Variants in PRRC2B observed in about 807,000 individuals in gnomAD.
PRRC2B encodes protein PRRC2B.
A neutral mutation model predicts 242.3 loss-of-function variants in PRRC2B; 68 were observed. The observed-to-expected ratio is 0.28, with a 90% CI of 0.23 to 0.34. The LOEUF (loss-of-function observed/expected upper bound fraction) is 0.34, where lower values mean the gene tolerates loss of function less well. Among genes scored for constraint, PRRC2B ranks in the 10% least tolerant of loss-of-function variants. The probability of loss-of-function intolerance (pLI) is 1.00; values close to 1 mark genes in which losing one functional copy is unlikely to be tolerated. For missense variants in PRRC2B, 2,835 were observed against 2,954.8 expected, an observed-to-expected ratio of 0.96 and a Z score of 0.94; for synonymous variants, 1,228 against 1,173.6, an observed-to-expected ratio of 1.05 and a Z score of -0.95.
chr9:131,435,208 G>T (rs1838310159), intron 3 of PRRC2B, among the ~76,000 whole-genome samples: 1 of 151,704 alleles, frequency 6.6e-6, no homozygotes, highest in South Asian at 2.1e-4. Context: ...TGAGGCAGGA[G>T]AATTGCTTGA....
At chr9:131,379,445 C>T (rs1299410335) in intron 1 of PRRC2B, among the ~76,000 whole-genome samples, 1 of 152,106 alleles carries the variant, frequency 6.6e-6, no homozygotes, top group East Asian at 1.9e-4. Context: ...GTATCTTTGT[C>T]AACACTTGTT....
At chr9:131,445,247 G>A (rs1213770883) in intron 6 of PRRC2B, among the ~76,000 whole-genome samples, 1 of 151,706 alleles carries the variant, frequency 6.6e-6, no homozygotes, top group Non-Finnish European at 1.5e-5. Flanking sequence ...TGCAACCTCC[G>A]CCTCCCGGGT....
chr9:131,495,182 C>G (rs1359730506), intron 31 of PRRC2B, among the ~76,000 whole-genome samples: 1 of 152,108 alleles, frequency 6.6e-6, no homozygotes, highest in African/African-American at 2.4e-5. Context: ...TTCCCCACCC[C>G]ACTCCCCGTG....
At chr9:131,454,807 TGTA>T (rs1943022336) in intron 9 of PRRC2B, among the ~76,000 whole-genome samples, 1 of 152,128 alleles carries the variant, frequency 6.6e-6, no homozygotes, top group Non-Finnish European at 1.5e-5. Context: ...GACTAATTTT[TGTA>T]TTTTTAGTAG....
At chr9:131,465,516 C>T (rs982161377) in intron 12 of PRRC2B, among the ~76,000 whole-genome samples, 5 of 152,126 alleles carry the variant, frequency 3.3e-5, no homozygotes, top group South Asian at 2.1e-4. Flanking sequence ...GTGTACAGCA[C>T]GCTCCAGTTT....
chr9:131,487,150 C>T lies in PRRC2B; in HGVS notation c.5857-17C>T, dbSNP rs75283953. On this transcript the variant is annotated splice_polypyrimidine_tract_variant and intron_variant, in intron 26 of 31. Transcript: ENST00000683519. The surrounding 1 kb of genome is among the most constrained non-coding windows in gnomAD (Gnocchi z 5.3). ...GGCCTTGCGGTTACCTCCCCGACCC[C>T]GTTTTCCCGTTCACAGGCCGCCGCT... 6,330 of 1,612,452 alleles carry T rather than the reference C, an allele frequency of 3.9e-3. 204 individuals are homozygous for T. In the African/African-American group the frequency reaches 0.071, roughly 18 times the overall value.
rs778001855 is a variant in PRRC2B, at chr9:131,484,745, C to T, written c.5520C>T (p.Ile1840=). The part of the protein sequence containing the change: ...LRRDHHIQRA[I]GLSPMSFPTA... The stretch of plus-strand genomic sequence containing the variant: ...GGGACCATCACATCCAGAGGGCCAT[C>T]GGTCTCTCCCCAATGTCCTTCCCCA... The change falls in exon 24 of 32, where the codon ATC becomes ATT. Residue 1840 remains isoleucine, a synonymous_variant. Transcript: ENST00000683519. 1.2e-5 allele frequency: 20 copies of T among 1,612,912 alleles called. No individual in the cohort carries two copies. The highest frequency in any genetic ancestry group is 1.7e-5 in the Admixed American group (1 of 59,872).
intron 9 of PRRC2B, among the ~76,000 whole-genome samples, chr9:131,449,870 C>T (rs1942854790): frequency 6.6e-6 from 1 of 152,146 alleles, no homozygotes; most frequent in Admixed American, 6.5e-5. Flanking sequence ...AATTTTAGGT[C>T]TTTGATCCAC....
In PRRC2B at chr9:131,487,822, C is replaced by T. The variant is rs563082135; in HGVS notation, c.5985-34C>T. On this transcript the variant is annotated intron_variant, in intron 27 of 31. Transcript: ENST00000683519. This position sits in a 1 kb window ranked among gnomAD's most constrained non-coding sequence, Gnocchi z 5.3. Reference sequence around the variant, plus strand: ...GACCAGATCCGCAGCTGGACTCATCCACCTGATCCCGACCATCTGTCTGGC... The same window carrying T: ...GACCAGATCCGCAGCTGGACTCATCTACCTGATCCCGACCATCTGTCTGGC... 6.3e-7 allele frequency: 1 copy of T among 1,586,228 alleles called. No homozygotes were observed. The highest frequency in any genetic ancestry group is 1.3e-5 in the African/African-American group (1 of 74,674).
rs201735954 is a variant in PRRC2B, at chr9:131,474,631, A to G, written c.2502A>G (p.Gln834=). The G allele has an allele frequency of 8.7e-5, 140 of 1,614,004 alleles. No individual in the cohort carries two copies. In the African/African-American group the frequency reaches 1.7e-3, roughly 19 times the overall value. The change falls in exon 16 of 32, where the codon CAA becomes CAG. Residue 834 remains glutamine, a synonymous_variant. Coordinates refer to ENST00000683519, the MANE Select transcript of PRRC2B (RefSeq NM_013318.4). The part of the protein sequence containing the change: ...RIGQELLFPP[Q]ENVQDAGAPG... Reference sequence around the variant, plus strand: ...GCCAGGAGCTTTTGTTTCCACCCCAAGAAAATGTTCAGGATGCAGGTGCTC... The same window carrying G: ...GCCAGGAGCTTTTGTTTCCACCCCAGGAAAATGTTCAGGATGCAGGTGCTC...
In PRRC2B at chr9:131,475,945, G is replaced by A; in HGVS notation, c.3816G>A (p.Glu1272=). The change falls in exon 16 of 32, where the codon GAG becomes GAA. Residue 1272 remains glutamate (E), a synonymous_variant. Transcript: ENST00000683519. ...ACGCATTTGGTGGCCGGGGCTTTGA[G>A]GACAGCCGCGCGGAGGACAAGAGAT... ...HPDAFGGRGF[E]DSRAEDKRSF... The A allele has an allele frequency of 6.2e-7, 1 of 1,613,798 alleles. No individual in the cohort carries two copies. The highest frequency in any genetic ancestry group is 1.1e-5 in the South Asian group (1 of 91,084).
At chr9:131,457,620 CT>C in intron 10 of PRRC2B, among the ~76,000 whole-genome samples, 1 of 152,284 alleles carries the variant, frequency 6.6e-6, no homozygotes, top group East Asian at 1.9e-4. Context: ...TCTGTCTCCT[CT>C]TTTCATTTTC....
rs1943524376 is a variant in PRRC2B at position 131,470,867 on chromosome 9, ACCCC to A, written c.1993_1996del (p.Pro665ArgfsTer10). On this transcript the variant is annotated frameshift_variant, in exon 14 of 32. Transcript: ENST00000683519. LOFTEE classifies it high-confidence loss of function. ...CCCCAGCGCACCTTTTACCCACACC[ACCCC>A]CAGATGTTGGGCTTCGATCCCAGGT... The A allele has an allele frequency of 6.5e-7, 1 of 1,533,696 alleles. No individual in the cohort carries two copies. The highest frequency in any genetic ancestry group is 8.8e-7 in the Non-Finnish European group (1 of 1,131,482).
intron 10 of PRRC2B, among the ~76,000 whole-genome samples, chr9:131,455,510 CTTTTTTTTTTTTT>C (rs148974781): frequency 5.7e-5 from 5 of 86,994 alleles, no homozygotes; most frequent in East Asian, 3.3e-4. Flanking sequence ...GGTTCAACTT[CTTTTTTTTTTTTT>C]TTTTTTTTTT....
chr9:131,382,383 C>T (rs1836772759), intron 1 of PRRC2B, among the ~76,000 whole-genome samples: 1 of 152,156 alleles, frequency 6.6e-6, no homozygotes, highest in Admixed American at 6.6e-5. Context: ...GTCTTTGCCT[C>T]CTCTCTTTCT....
intron 30 of PRRC2B, among the ~76,000 whole-genome samples, chr9:131,492,774 C>A (rs1051031817): frequency 2.0e-5 from 3 of 152,208 alleles, no homozygotes; most frequent in African/African-American, 7.2e-5. Context: ...GTCTCCACCT[C>A]CAGCAACTGT....
At chr9:131,490,627 G>T (rs1181755234) in intron 28 of PRRC2B, 2 of 518,416 alleles carry the variant, frequency 3.9e-6, no homozygotes, top group African/African-American at 1.9e-5. Context: ...TACAGTCTCT[G>T]GGCCCACATC....
intron 1 of PRRC2B, among the ~76,000 whole-genome samples, chr9:131,380,729 T>G (rs1174522633): frequency 2.0e-5 from 3 of 150,762 alleles, no homozygotes; most frequent in Admixed American, 1.3e-4. Context: ...ATACAAAAAA[T>G]TAGCTGGGCA....
chr9:131,485,109 G>C lies in PRRC2B; in HGVS notation c.5727G>C (p.Val1909=). The C allele has an allele frequency of 6.3e-7, 1 of 1,599,024 alleles. No individual in the cohort carries two copies. Among genetic ancestry groups the C allele is most frequent in the Non-Finnish European group, 8.5e-7 (1 of 1,172,176 alleles). Residue 1909 remains valine (V), a synonymous_variant, in exon 25 of 32, where the codon GTG becomes GTC. Coordinates refer to ENST00000683519, the MANE Select transcript of PRRC2B (RefSeq NM_013318.4). ...GAGTGTCCATGCCACCCATGCCTGT[G>C]GCCTCTGTAGCACCTTCTGCTTCTA... ...FGGVSMPPMP[V]ASVAPSASMP...
Sources: gnomAD v4.1 joint callset for allele counts (sites outside exome capture counted in the v4.1 genomes callset) on GRCh38, gnomAD v4.1.1 for gene constraint, Gnocchi (gnomAD v3.1) non-coding constraint, MANE v1.5 for transcripts, NCBI Gene and HGNC (gene_info 2026-07-23, HGNC 2026-07-21) for gene names.